Variants in PCDHA1 observed in about 807,000 individuals in gnomAD.
PCDHA1 encodes the protein protocadherin alpha 1, also known as protocadherin alpha-1.
In PCDHA1, 42 loss-of-function variants were observed where a neutral mutation model predicts 61.3. That is an observed-to-expected ratio of 0.69 (90% CI 0.54 to 0.89). The LOEUF (loss-of-function observed/expected upper bound fraction) is 0.89. Among genes scored for constraint, PCDHA1 ranks in the 40% least tolerant of loss-of-function variants. PCDHA1 has a pLI of 0.00. For synonymous variants in PCDHA1, 610 were observed against 553.8 expected, an observed-to-expected ratio of 1.10 and a Z score of -1.43; for missense variants, 1,256 against 1,235.3, an observed-to-expected ratio of 1.02 and a Z score of -0.25.
intron 1 of PCDHA1, chr5:140,795,673 G>A (rs1554119529): frequency 6.2e-7 from 1 of 1,614,092 alleles, no homozygotes; most frequent in Non-Finnish European, 8.5e-7. Flanking sequence ...AGATGTAAAT[G>A]ACAATGAACC....
intron 1 of PCDHA1, chr5:140,857,158 A>G: frequency 6.3e-7 from 1 of 1,598,190 alleles, no homozygotes; most frequent in East Asian, 2.2e-5. Context: ...TCATTGCCCT[A>G]ATCAGCGTTT....
At chr5:140,828,164 A>T in intron 1 of PCDHA1, 2 of 1,614,130 alleles carry the variant, frequency 1.2e-6, no homozygotes, top group Non-Finnish European at 1.7e-6. Flanking sequence ...CGCAGCCTGG[A>T]AGGTGGGGAG....
chr5:140,836,501 G>A (rs1554136017), intron 1 of PCDHA1: 4 of 1,613,866 alleles, frequency 2.5e-6, no homozygotes, highest in Admixed American at 1.7e-5. Flanking sequence ...CCATCTGCGC[G>A]GTGTCCAGTC....
chr5:140,842,929 C>T lies in PCDHA1; in HGVS notation c.2394+54245C>T, dbSNP rs2150347942. On this transcript the variant is annotated intron_variant, in intron 1 of 3. Coordinates refer to ENST00000504120, the MANE Select transcript of PCDHA1 (RefSeq NM_018900.4). ...TAGAGCTGCTGCAGTTCCAGGTGAG[C>T]GCGCGCGACGCGGGCGTGCCGCCTC... 1.0e-5 allele frequency: 16 copies of T among 1,594,270 alleles called. 1 individual carries two copies. Among genetic ancestry groups the T allele is most frequent in the African/African-American group, 8.1e-5 (6 of 74,356 alleles).
At chr5:140,797,471 C>A (rs781911209) in intron 1 of PCDHA1, 6 of 1,197,636 alleles carry the variant, frequency 5.0e-6, no homozygotes, top group Non-Finnish European at 7.1e-6. Context: ...TCCTACCGTG[C>A]GATTTTGAAT....
chr5:140,962,796 A>T (rs1248367259), intron 1 of PCDHA1, among the ~76,000 whole-genome samples: 1 of 152,222 alleles, frequency 6.6e-6, no homozygotes, highest in Non-Finnish European at 1.5e-5. Flanking sequence ...ACTACTTTGG[A>T]CAACTCTAAA....
intron 1 of PCDHA1, chr5:140,853,738 T>A: frequency 2.0e-6 from 2 of 988,624 alleles, no homozygotes. Context: ...CATTGAATGT[T>A]CTGGTTCAAG....
chr5:140,862,757 GC>G (rs1554156930), intron 1 of PCDHA1: 4 of 579,248 alleles, frequency 6.9e-6, no homozygotes, highest in African/African-American at 1.9e-5. Flanking sequence ...GCGGAGAGCG[GC>G]AAGAGGTACG....
intron 1 of PCDHA1, chr5:140,876,542 T>C (rs782388773): frequency 5.0e-6 from 8 of 1,614,194 alleles, no homozygotes; most frequent in Non-Finnish European, 5.9e-6. Flanking sequence ...TCACTGTCGC[T>C]CCCTGTGCAA....
rs572664608 is a variant in PCDHA1 at position 140,918,936 on chromosome 5, T to C, written c.2395-60013T>C. 6.0e-4 allele frequency among the ~76,000 whole-genome samples: 92 copies of C among 152,342 alleles called. 2 individuals are homozygous for C. Among genetic ancestry groups the C allele is most frequent in the Admixed American group, 5.2e-3 (80 of 15,310 alleles). On this transcript the variant is annotated intron_variant, in intron 1 of 3. Transcript: ENST00000504120. ...AACTACACAGCATATGGCATTTTGT[T>C]ATAATATCCTGAACAGACTAAGACA...
chr5:140,994,988 A>G (rs781915746), intron 3 of PCDHA1, among the ~76,000 whole-genome samples: 3 of 152,166 alleles, frequency 2.0e-5, no homozygotes, highest in Non-Finnish European at 4.4e-5. Flanking sequence ...ACCCACTAGA[A>G]GGTTAGTTGG....
chr5:140,875,409 A>C (rs2055459044), intron 1 of PCDHA1: 1 of 1,500,680 alleles, frequency 6.7e-7, no homozygotes, highest in African/African-American at 1.4e-5. Context: ...CTGCTCATAA[A>C]ATACCTCAGG....
In PCDHA1 at chr5:140,841,930, G is replaced by A. The variant is rs149689120; in HGVS notation, c.2394+53246G>A. 3.7e-6 allele frequency: 6 copies of A among 1,613,908 alleles called. No individual in the cohort carries two copies. In the African/African-American group the frequency reaches 8.0e-5, roughly 22 times the overall value. ...TATTAAGAAAATCCTTGGACAGAGAGGACGCTCCTGCGCACCACTTATTCC... is the reference window on the plus strand; with the variant it reads ...TATTAAGAAAATCCTTGGACAGAGAAGACGCTCCTGCGCACCACTTATTCC... On this transcript the variant is annotated intron_variant, in intron 1 of 3. Coordinates refer to ENST00000504120, the MANE Select transcript of PCDHA1 (RefSeq NM_018900.4).
chr5:140,884,048 G>A (rs2059957630), intron 1 of PCDHA1: 1 of 1,613,500 alleles, frequency 6.2e-7, no homozygotes, highest in African/African-American at 1.3e-5. Flanking sequence ...GGTGGCGAAG[G>A]TGCGCGCGGT....
chr5:140,788,944 A>C, intron 1 of PCDHA1: 1 of 642,770 alleles, frequency 1.6e-6, no homozygotes, highest in African/African-American at 1.8e-5. Context: ...GGTACAATAA[A>C]AGGTAATGTT....
chr5:140,902,316 G>C (rs2069370797), intron 1 of PCDHA1, among the ~76,000 whole-genome samples: 1 of 151,402 alleles, frequency 6.6e-6, no homozygotes, highest in Non-Finnish European at 1.5e-5. Context: ...GGGATTACAG[G>C]TGTAACTCAC....
rs782577579 is a variant in PCDHA1, at chr5:140,978,981, T to G, written c.2427T>G (p.Ser809=). The G allele has an allele frequency of 1.4e-5, 22 of 1,614,096 alleles. No individual in the cohort carries two copies. Among genetic ancestry groups the G allele is most frequent in the Non-Finnish European group, 1.8e-5 (21 of 1,180,040 alleles). The change falls in exon 2 of 4, where the codon TCT becomes TCG. Residue 809 remains serine (S), a synonymous_variant. Transcript: ENST00000504120. ...PRQPNPDWRY[S]ASLRAGMHSS... ...AGCCCAACCCTGACTGGCGTTACTC[T>G]GCCTCCCTGAGAGCAGGCATGCACA... is the stretch of plus-strand genomic sequence containing the variant.
intron 1 of PCDHA1, among the ~76,000 whole-genome samples, chr5:140,970,706 A>G (rs1266484266): frequency 6.6e-6 from 1 of 152,224 alleles, no homozygotes; most frequent in Non-Finnish European, 1.5e-5. Context: ...CTACTACACA[A>G]TGTGTGAACA....
intron 1 of PCDHA1, among the ~76,000 whole-genome samples, chr5:140,886,605 A>C (rs998772471): frequency 2.6e-5 from 4 of 152,108 alleles, no homozygotes; most frequent in Admixed American, 6.5e-5. Flanking sequence ...AGGTGGGCGG[A>C]TCAGGAGATC....
Sources: allele counts gnomAD v4.1 joint callset (sites outside exome capture counted in the v4.1 genomes callset), GRCh38; gene constraint gnomAD v4.1.1; transcripts MANE v1.5; gene names NCBI Gene and HGNC (gene_info 2026-07-23, HGNC 2026-07-21).